The following SHISA6 variants were observed in gnomAD, a reference collection of about 807,000 sequenced individuals.
The protein encoded by SHISA6 is protein shisa-6.
SHISA6 carries 22 observed loss-of-function variants against 47.9 expected under a neutral mutation model. The observed-to-expected ratio is 0.46, with a 90% CI of 0.33 to 0.66. The LOEUF is 0.66. Among genes scored for constraint, SHISA6 ranks in the 30% least tolerant of loss-of-function variants. SHISA6 has a pLI of 0.02. For missense variants in SHISA6, 680 were observed against 764.6 expected (o/e 0.89, Z 1.30); for synonymous variants, 388 against 337.8 (o/e 1.15, Z -1.63).
chr17:11,392,032 A>G (rs1433691688), intron 3 of SHISA6, among the ~76,000 whole-genome samples: 1 of 152,206 alleles, frequency 6.6e-6, no homozygotes, highest in Non-Finnish European at 1.5e-5. Context: ...TTCGTAGTTC[A>G]TACCTGAAGG....
chr17:11,526,821 A>G (rs564457700), intron 3 of SHISA6, among the ~76,000 whole-genome samples: 1 of 135,182 alleles, frequency 7.4e-6, no homozygotes, highest in South Asian at 2.4e-4. Flanking sequence ...TACATATACA[A>G]TATTTGTATA....
intron 3 of SHISA6, among the ~76,000 whole-genome samples, chr17:11,504,037 T>A (rs1223293311): frequency 6.6e-6 from 1 of 152,238 alleles, no homozygotes; most frequent in Non-Finnish European, 1.5e-5. Context: ...GATGCTCACT[T>A]ATCTGGGATG....
At chr17:11,361,220 A>G (rs954419693) in intron 2 of SHISA6, among the ~76,000 whole-genome samples, 2 of 151,808 alleles carry the variant, frequency 1.3e-5, no homozygotes, top group Non-Finnish European at 2.9e-5. Context: ...TTTGGATTCA[A>G]TTATTCTGCT....
At chr17:11,514,898 G>T (rs184250232) in intron 3 of SHISA6, among the ~76,000 whole-genome samples, 4 of 152,284 alleles carry the variant, frequency 2.6e-5, no homozygotes, top group Middle Eastern at 3.4e-3. Flanking sequence ...CATTCCAGGG[G>T]TCATGCCCCA....
At chr17:11,252,443 G>A (rs1162527740) in intron 1 of SHISA6, among the ~76,000 whole-genome samples, 6 of 152,024 alleles carry the variant, frequency 3.9e-5, no homozygotes, top group South Asian at 2.1e-4. Context: ...CTCTTCCTTC[G>A]CCCTTGCTGT....
chr17:11,431,265 G>A (rs1914763846), intron 3 of SHISA6, among the ~76,000 whole-genome samples: 1 of 152,146 alleles, frequency 6.6e-6, no homozygotes, highest in Non-Finnish European at 1.5e-5. Flanking sequence ...ATTCCTAGGT[G>A]GATACAGTCC....
rs574029384 is a variant in SHISA6 at position 11,251,831 on chromosome 17, A to T, written c.638+9771A>T. 7.9e-5 allele frequency among the ~76,000 whole-genome samples: 12 copies of T among 152,110 alleles called. No homozygotes were observed. The East Asian group carries it at 2.3e-3, about 29-fold the overall frequency. On this transcript the variant is annotated intron_variant, in intron 1 of 5. Transcript: ENST00000441885. ...CTGAGGGGCACGTGGAAAGGAAGGA[A>T]TCCTGGGACACTCTTAATAGCCTGT...
chr17:11,309,804 G>A (rs764329790), intron 2 of SHISA6, among the ~76,000 whole-genome samples: 1 of 152,202 alleles, frequency 6.6e-6, no homozygotes. Context: ...TGTACAGAGA[G>A]ATTTCTGTGC....
intron 2 of SHISA6, among the ~76,000 whole-genome samples, chr17:11,310,926 G>A (rs1003732132): frequency 2.0e-5 from 3 of 152,014 alleles, no homozygotes; most frequent in Non-Finnish European, 4.4e-5. Flanking sequence ...GGCTAACGTG[G>A]TGAAACCCTG....
intron 3 of SHISA6, chr17:11,380,607 A>T (rs1247608603): frequency 1.3e-5 from 2 of 152,222 alleles, no homozygotes; most frequent in African/African-American, 4.8e-5. Flanking sequence ...GCTGGTCCCC[A>T]CATCATCCAC....
At chr17:11,405,311 T>C (rs1913915184) in intron 3 of SHISA6, among the ~76,000 whole-genome samples, 1 of 152,074 alleles carries the variant, frequency 6.6e-6, no homozygotes, top group South Asian at 2.1e-4. Flanking sequence ...AACAAACCCC[T>C]GGGGCTGCTT....
At chr17:11,324,764 A>G (rs1229225426) in intron 2 of SHISA6, among the ~76,000 whole-genome samples, 1 of 152,132 alleles carries the variant, frequency 6.6e-6, no homozygotes, top group Non-Finnish European at 1.5e-5. Flanking sequence ...TTACTTTAAA[A>G]TCTCAAACTA....
intron 2 of SHISA6, among the ~76,000 whole-genome samples, chr17:11,323,383 G>A (rs948169138): frequency 9.9e-5 from 15 of 152,046 alleles, no homozygotes; most frequent in African/African-American, 2.9e-4. Flanking sequence ...AGCCGGGCAC[G>A]GTGGCTCACA....
chr17:11,300,852 TGG>T (rs1211013047), intron 2 of SHISA6, among the ~76,000 whole-genome samples: 1 of 151,864 alleles, frequency 6.6e-6, no homozygotes, highest in South Asian at 2.1e-4. Flanking sequence ...GTGGAGCACA[TGG>T]GGGAACACAG....
intron 2 of SHISA6, among the ~76,000 whole-genome samples, chr17:11,335,747 T>C (rs1911296430): frequency 6.6e-6 from 1 of 152,166 alleles, no homozygotes; most frequent in Non-Finnish European, 1.5e-5. Flanking sequence ...TTGAGTTCCT[T>C]CTCTGGTGCC....
chr17:11,386,046 C>T (rs565073274), intron 3 of SHISA6, among the ~76,000 whole-genome samples: 1 of 152,180 alleles, frequency 6.6e-6, no homozygotes, highest in Non-Finnish European at 1.5e-5. Context: ...GGGATGTGCT[C>T]ATTACCTGGA....
chr17:11,378,844 C>T (rs898689302), intron 2 of SHISA6, among the ~76,000 whole-genome samples: 4 of 152,160 alleles, frequency 2.6e-5, no homozygotes, highest in African/African-American at 9.6e-5. Context: ...TCTGAAGTCA[C>T]GAGCTGTAGT....
At chr17:11,532,762 T>C (rs921463729) in intron 3 of SHISA6, among the ~76,000 whole-genome samples, 1 of 146,858 alleles carries the variant, frequency 6.8e-6, no homozygotes, top group African/African-American at 2.6e-5. Context: ...TTTTTTTTTT[T>C]TTCATTTCAT....
chr17:11,318,506 GT>G (rs1314817281), intron 2 of SHISA6, among the ~76,000 whole-genome samples: 1 of 152,044 alleles, frequency 6.6e-6, no homozygotes, highest in African/African-American at 2.4e-5. Context: ...ATGTGAGCCT[GT>G]CCCCTGCTTC....
Sources: allele counts gnomAD v4.1 joint callset (sites outside exome capture counted in the v4.1 genomes callset), GRCh38; gene constraint gnomAD v4.1.1; transcripts MANE v1.5; gene names NCBI Gene and HGNC (gene_info 2026-07-23, HGNC 2026-07-21).